The following MKLN1 variants were observed in gnomAD, a reference collection of about 807,000 sequenced individuals.
The protein encoded by MKLN1 is muskelin 1, also known as muskelin.
MKLN1 carries 18 observed loss-of-function variants against 99.0 expected under a neutral mutation model. That is an observed-to-expected ratio of 0.18 (90% CI 0.13 to 0.27). MKLN1 has a LOEUF of 0.27. Among genes scored for constraint, MKLN1 ranks in the 10% least tolerant of loss-of-function variants. The probability of loss-of-function intolerance (pLI) is 1.00; values close to 1 mark genes in which losing one functional copy is unlikely to be tolerated. For synonymous variants in MKLN1, 288 were observed against 293.2 expected (o/e 0.98, Z 0.18); for missense variants, 621 against 875.9 (o/e 0.71, Z 3.67).
At chr7:131,342,091 T>C (rs1799423847) in intron 1 of MKLN1, among the ~76,000 whole-genome samples, 1 of 152,174 alleles carries the variant, frequency 6.6e-6, no homozygotes, top group South Asian at 2.1e-4. Flanking sequence ...TGTCCAGCAG[T>C]GGAATTTCTG....
chr7:131,386,378 T>G (rs1368092771), intron 2 of MKLN1, among the ~76,000 whole-genome samples: 1 of 152,150 alleles, frequency 6.6e-6, no homozygotes, highest in African/African-American at 2.4e-5. Context: ...TTTTTGTGTG[T>G]GATAAGAGGC....
chr7:131,433,366 C>T (rs1330788051), intron 9 of MKLN1, among the ~76,000 whole-genome samples: 1 of 152,158 alleles, frequency 6.6e-6, no homozygotes, highest in Non-Finnish European at 1.5e-5. Flanking sequence ...CACATTACAT[C>T]AGTTTGTCTG....
chr7:131,159,667 A>G (rs1796018617), intron 2 of MKLN1, among the ~76,000 whole-genome samples: 1 of 152,208 alleles, frequency 6.6e-6, no homozygotes, highest in African/African-American at 2.4e-5. Context: ...CAGTAGGGAA[A>G]TTAAAGTTGA....
chr7:131,184,728 C>T (rs536070278), intron 2 of MKLN1, among the ~76,000 whole-genome samples: 1 of 152,236 alleles, frequency 6.6e-6, no homozygotes, highest in East Asian at 1.9e-4. Flanking sequence ...GGTTTCACCA[C>T]ATTGGCCAGG....
At chr7:131,478,831 G>A in intron 17 of MKLN1, 154 bp downstream of exon 17, 1 of 887,498 alleles carries the variant, frequency 1.1e-6, no homozygotes, top group Non-Finnish European at 1.8e-6. Context: ...CTAATAACCT[G>A]CTACAAGGTT....
At chr7:131,228,780 T>C (rs1423483678) in intron 3 of MKLN1, among the ~76,000 whole-genome samples, 3 of 152,208 alleles carry the variant, frequency 2.0e-5, no homozygotes, top group Non-Finnish European at 2.9e-5. Flanking sequence ...CATTTTCCCA[T>C]CATTAACACA....
Position 131,131,030 on chromosome 7 carries a change from C to T in MKLN1, c.-418-11790C>T, listed in dbSNP as rs1222351099. Reference sequence around the variant, plus strand: ...TCATGCCATTGCACTCCAGCCTGGGCAACAGAGGGAGACCCTGTCTCAAAA... The same window carrying T: ...TCATGCCATTGCACTCCAGCCTGGGTAACAGAGGGAGACCCTGTCTCAAAA... On this transcript the variant is annotated intron_variant, in intron 1 of 7. Coordinates refer to the MKLN1 transcript ENST00000416992. 6.8e-5 allele frequency among the ~76,000 whole-genome samples: 7 copies of T among 102,816 alleles called. No homozygotes were observed. In the East Asian group the frequency reaches 1.8e-3, roughly 26 times the overall value. The allele number at this position is 102,816 out of a possible 152,430, so 67.5% of individuals were successfully genotyped here.
chr7:131,441,576 A>G (rs974527834), intron 10 of MKLN1, among the ~76,000 whole-genome samples: 1 of 152,198 alleles, frequency 6.6e-6, no homozygotes, highest in African/African-American at 2.4e-5. Flanking sequence ...AGCTTTTCAG[A>G]AATTTTTTCG....
chr7:131,126,954 T>C (rs1189763400), intron 1 of MKLN1, among the ~76,000 whole-genome samples: 2 of 151,916 alleles, frequency 1.3e-5, no homozygotes, highest in African/African-American at 4.8e-5. Flanking sequence ...TCACCTAAGG[T>C]TGGTAGTTTG....
chr7:131,418,811 G>T (rs1240481022), intron 8 of MKLN1, among the ~76,000 whole-genome samples: 1 of 152,228 alleles, frequency 6.6e-6, no homozygotes, highest in African/African-American at 2.4e-5. Flanking sequence ...TAGGACAGTA[G>T]TGAGGCAACT....
chr7:131,241,477 T>C (rs1367947735), intron 3 of MKLN1, among the ~76,000 whole-genome samples: 1 of 145,228 alleles, frequency 6.9e-6, no homozygotes, highest in Non-Finnish European at 1.5e-5. Flanking sequence ...GAGGCCAAGG[T>C]GGGAGAATTA....
At chr7:131,275,483 C>T (rs1236607121) in intron 3 of MKLN1, among the ~76,000 whole-genome samples, 1 of 134,032 alleles carries the variant, frequency 7.5e-6, no homozygotes, top group Non-Finnish European at 1.6e-5. Context: ...ATTCTCCTGC[C>T]TCAGCCTCCC....
At chr7:131,192,409 A>G (rs1428512522) in intron 2 of MKLN1, among the ~76,000 whole-genome samples, 1 of 128,636 alleles carries the variant, frequency 7.8e-6, no homozygotes, top group Non-Finnish European at 1.6e-5. Context: ...TATAAAATAT[A>G]TAATATATAC....
chr7:131,369,821 C>A (rs1800290341), intron 1 of MKLN1, among the ~76,000 whole-genome samples: 1 of 152,062 alleles, frequency 6.6e-6, no homozygotes, highest in African/African-American at 2.4e-5. Flanking sequence ...ATGTTTAGAT[C>A]TTTAATTGAG....
At chr7:131,180,479 A>T (rs1184847496) in intron 2 of MKLN1, among the ~76,000 whole-genome samples, 1 of 152,154 alleles carries the variant, frequency 6.6e-6, no homozygotes, top group South Asian at 2.1e-4. Context: ...CGGGCGGATC[A>T]CCTGAGGTCA....
At chr7:131,131,991 A>T (rs748197760) in intron 1 of MKLN1, among the ~76,000 whole-genome samples, 2 of 152,192 alleles carry the variant, frequency 1.3e-5, no homozygotes, top group Non-Finnish European at 2.9e-5. Context: ...ATGTAATAAA[A>T]CCAGAATTCG....
intron 8 of MKLN1, among the ~76,000 whole-genome samples, chr7:131,419,457 G>A (rs1463845694): frequency 2.0e-5 from 3 of 151,800 alleles, no homozygotes; most frequent in Admixed American, 6.6e-5. Context: ...GGCCAGGCTG[G>A]TCTTGAACTT....
At chr7:131,470,312 T>C (rs1796782935) in intron 15 of MKLN1, among the ~76,000 whole-genome samples, 1 of 152,196 alleles carries the variant, frequency 6.6e-6, no homozygotes, top group South Asian at 2.1e-4. Flanking sequence ...CTGCAGTTGT[T>C]TTTACTGACT....
At chr7:131,414,563 G>A (rs892798259) in intron 7 of MKLN1, 82 bp from the exon 8 acceptor site, 5 of 934,638 alleles carry the variant, frequency 5.3e-6, no homozygotes, top group African/African-American at 5.1e-5. Context: ...TTTTACTACT[G>A]ATTACAGACT....
Sources: gnomAD v4.1 joint callset for allele counts (sites outside exome capture counted in the v4.1 genomes callset) on GRCh38, gnomAD v4.1.1 for gene constraint, MANE v1.5 for transcripts, NCBI Gene and HGNC (gene_info 2026-07-23, HGNC 2026-07-21) for gene names.